The following TTLL7 variants were observed in gnomAD, a reference collection of about 807,000 sequenced individuals.
TTLL7 encodes tubulin tyrosine ligase like 7, also known as tubulin polyglutamylase TTLL7.
TTLL7 carries 53 observed loss-of-function variants against 120.2 expected under a neutral mutation model. The observed-to-expected ratio is 0.44, with a 90% CI of 0.35 to 0.55. TTLL7 has a LOEUF of 0.55. Ranked by LOEUF, TTLL7 falls within the 20% of genes least tolerant of loss-of-function variation. The pLI, the probability that TTLL7 is intolerant of heterozygous loss-of-function variation, is 0.00. For missense variants in TTLL7, 803 were observed against 1,054.7 expected (o/e 0.76, Z 3.31); for synonymous variants, 353 against 351.7 (o/e 1.00, Z -0.04).
intron 18 of TTLL7, 28 bp from the exon 19 acceptor site, chr1:83,890,509 T>C: frequency 1.3e-6 from 2 of 1,580,794 alleles, no homozygotes; most frequent in Admixed American, 3.5e-5. Flanking sequence ...GTACTTACAA[T>C]CTAGGAATGT....
intron 1 of TTLL7, among the ~76,000 whole-genome samples, chr1:83,986,122 C>T (rs553746208): frequency 3.9e-5 from 6 of 152,170 alleles, no homozygotes; most frequent in Non-Finnish European, 8.8e-5. Context: ...AACTACAGAC[C>T]AATATATTTC....
intron 20 of TTLL7, among the ~76,000 whole-genome samples, chr1:83,878,813 T>C (rs912978603): frequency 6.6e-6 from 1 of 151,950 alleles, no homozygotes; most frequent in African/African-American, 2.4e-5. Flanking sequence ...GGTATGCATA[T>C]TATTATTTTT....
chr1:83,892,911 G>GAA (rs779305877), intron 18 of TTLL7, among the ~76,000 whole-genome samples: 2 of 40,934 alleles, frequency 4.9e-5, no homozygotes, highest in Admixed American at 3.0e-4. Flanking sequence ...GAAGGAAAAA[G>GAA]AAAAAAGAAA....
chr1:83,944,535 C>T (rs1313840484), intron 6 of TTLL7, among the ~76,000 whole-genome samples: 1 of 151,960 alleles, frequency 6.6e-6, no homozygotes, highest in East Asian at 1.9e-4. Flanking sequence ...GGAGAAAACC[C>T]CATCTCTACT....
chr1:83,865,876 G>T lies in TTLL7; in HGVS notation c.*4086C>A, dbSNP rs112121322. 4.4e-4 allele frequency: 67 copies of T among 151,952 alleles called. No homozygotes were observed. The highest frequency in any genetic ancestry group is 1.5e-3 in the African/African-American group (63 of 41,520). The allele number at this position is 151,952 out of a possible 1,614,324, so 9.4% of individuals were successfully genotyped here. The stretch of plus-strand genomic sequence containing the variant: ...AAAATTTCACCTTTGAACTAAAAAA[G>T]AAATAAAGAATAGGCAGTGTAAGTA... On this transcript the variant is annotated 3_prime_UTR_variant, in exon 21 of 21. Coordinates refer to ENST00000260505, the MANE Select transcript of TTLL7 (RefSeq NM_024686.6).
At chr1:83,892,591 C>CATAT (rs1196170449) in intron 18 of TTLL7, among the ~76,000 whole-genome samples, 6 of 139,876 alleles carry the variant, frequency 4.3e-5, no homozygotes, top group East Asian at 4.2e-4. Context: ...TATAAATGAA[C>CATAT]ATATGAATGA....
At chr1:83,904,421 G>A (rs1018890225) in intron 17 of TTLL7, among the ~76,000 whole-genome samples, 1 of 152,026 alleles carries the variant, frequency 6.6e-6, no homozygotes, top group Non-Finnish European at 1.5e-5. Context: ...GATCACTTGA[G>A]GCCAGGAGTT....
chr1:83,957,209 G>C (rs1426935201), intron 1 of TTLL7, among the ~76,000 whole-genome samples: 1 of 151,982 alleles, frequency 6.6e-6, no homozygotes, highest in Non-Finnish European at 1.5e-5. Context: ...TATATTTTAT[G>C]GCAAAAGATG....
intron 1 of TTLL7, among the ~76,000 whole-genome samples, chr1:83,955,159 T>C (rs1649398962): frequency 6.6e-6 from 1 of 152,180 alleles, no homozygotes. Context: ...TGATTATATC[T>C]GAAGAAATTC....
chr1:83,938,102 T>A, intron 7 of TTLL7, 86 bp from the exon 8 acceptor site: 1 of 1,267,552 alleles, frequency 7.9e-7, no homozygotes, highest in Non-Finnish European at 1.1e-6. Context: ...ACTCAAAGAC[T>A]AAAGAAAGTT....
At chr1:83,948,508 T>G in intron 5 of TTLL7, 120 bp downstream of exon 5, 2 of 675,764 alleles carry the variant, frequency 3.0e-6, no homozygotes, top group Non-Finnish European at 4.9e-6. Flanking sequence ...AGCTCCAAAA[T>G]TCTATCACTC....
intron 20 of TTLL7, among the ~76,000 whole-genome samples, chr1:83,879,529 G>A (rs1654256218): frequency 6.6e-6 from 1 of 151,984 alleles, no homozygotes; most frequent in Non-Finnish European, 1.5e-5. Flanking sequence ...GAAGGTTTGT[G>A]TTGATTCTGA....
At chr1:83,967,166 G>T (rs563326310) in intron 1 of TTLL7, among the ~76,000 whole-genome samples, 8 of 152,050 alleles carry the variant, frequency 5.3e-5, no homozygotes, top group African/African-American at 1.9e-4. Flanking sequence ...ATTTGAAGAG[G>T]TTTTTTTAAG....
chr1:83,979,518 C>A (rs1651780100), intron 1 of TTLL7: 1 of 152,214 alleles, frequency 6.6e-6, no homozygotes, highest in East Asian at 1.9e-4. Context: ...TGTTTAACTA[C>A]ACCTACATTT....
chr1:83,896,065 G>A (rs1266178587), intron 18 of TTLL7, among the ~76,000 whole-genome samples: 2 of 152,070 alleles, frequency 1.3e-5, no homozygotes, highest in Admixed American at 6.6e-5. Context: ...ATAAATTAGT[G>A]CTAGTTCTAC....
At chr1:83,896,306 C>T (rs533976386) in intron 18 of TTLL7, among the ~76,000 whole-genome samples, 3 of 152,180 alleles carry the variant, frequency 2.0e-5, no homozygotes, top group Non-Finnish European at 4.4e-5. Context: ...ATGGGAGATT[C>T]AGTCAATGAC....
At chr1:83,942,347 C>A in intron 7 of TTLL7, 116 bp downstream of exon 7, 1 of 769,886 alleles carries the variant, frequency 1.3e-6, no homozygotes, top group Non-Finnish European at 2.0e-6. Context: ...TCTTCCAGAC[C>A]ACAAAAACCT....
intron 20 of TTLL7, among the ~76,000 whole-genome samples, chr1:83,877,134 C>T (rs546415792): frequency 6.6e-6 from 1 of 151,950 alleles, no homozygotes; most frequent in Non-Finnish European, 1.5e-5. Flanking sequence ...ATTTTTATCT[C>T]TATCTTTTGA....
intron 10 of TTLL7, among the ~76,000 whole-genome samples, chr1:83,923,899 C>T (rs969723276): frequency 6.6e-6 from 1 of 152,076 alleles, no homozygotes; most frequent in Non-Finnish European, 1.5e-5. Context: ...CTACTTATTA[C>T]CTTATAATTC....
Sources: allele counts gnomAD v4.1 joint callset (sites outside exome capture counted in the v4.1 genomes callset), GRCh38; gene constraint gnomAD v4.1.1; transcripts MANE v1.5; gene names NCBI Gene and HGNC (gene_info 2026-07-23, HGNC 2026-07-21).